PCDH12: variants seen among roughly 807,000 people sequenced by gnomAD.
PCDH12 encodes the protein protocadherin 12, also known as protocadherin-12.
Under a neutral mutation model 70.9 loss-of-function variants are expected in PCDH12, and 45 were observed. That is an observed-to-expected ratio of 0.63 (90% confidence interval 0.50 to 0.81). PCDH12 has a LOEUF of 0.81. Ranked by LOEUF, PCDH12 falls within the 40% of genes least tolerant of loss-of-function variation. The pLI is 0.00. For synonymous variants in PCDH12, 567 were observed against 626.0 expected (o/e 0.91, Z 1.41); for missense variants, 1,370 against 1,491.7 (o/e 0.92, Z 1.34).
In PCDH12 at chr5:141,957,883, C is replaced by G; in HGVS notation, c.-32G>C. On this transcript the variant is annotated 5_prime_UTR_variant, in exon 1 of 4. Transcript: ENST00000231484. This position sits in a 1 kb window ranked among gnomAD's most constrained non-coding sequence, Gnocchi z 4.3. ...CGCCAAGTGGGCTAGATTCAGAAAC[C>G]ACTAGAGTTCTTTCAAGGCTGGACA... 5 of 1,574,374 alleles carry G rather than the reference C, an allele frequency of 3.2e-6. No individual in the cohort carries two copies. Among genetic ancestry groups the G allele is most frequent in the Non-Finnish European group, 4.3e-6 (5 of 1,165,986 alleles).
chr5:141,949,340 T>C (rs1753025323), intron 3 of PCDH12, 92 bp downstream of exon 3: 1 of 1,491,622 alleles, frequency 6.7e-7, no homozygotes. Context: ...AGAAACAGAA[T>C]GGCTTTTCCC....
Position 141,955,370 on chromosome 5 carries a change from T to G in PCDH12, c.2482A>C (p.Asn828His), listed in dbSNP as rs1022578367. 6.2e-7 allele frequency: 1 copy of G among 1,614,082 alleles called. No individual in the cohort carries two copies. Among genetic ancestry groups the G allele is most frequent in the African/African-American group, 1.3e-5 (1 of 75,056 alleles). Residue 828 changes from asparagine (N) to histidine (H), a missense_variant, in exon 1 of 4, where the codon AAT becomes CAT. Physicochemically the swap from Asn to His is moderately conservative, Grantham distance 68. Coordinates refer to ENST00000231484, the MANE Select transcript of PCDH12 (RefSeq NM_016580.4). This position sits in a 1 kb window ranked among gnomAD's most constrained non-coding sequence, Gnocchi z 5.5. ...GCCGGTGCTCCCTGGTTGCCTTGAT[T>G]ACGCAGCGTCCTGTACAGGGTCGGG... is the stretch of plus-strand genomic sequence containing the variant. ...LTPTLYRTLRNQGNQGAPAES... is the reference protein window; with the variant it reads ...LTPTLYRTLRHQGNQGAPAES...
In PCDH12 at chr5:141,955,320, G is replaced by A. The variant is rs747688840; in HGVS notation, c.2532C>T (p.Asp844=). ...APAESREVLQ[D]TVNLLFNHPR... is the part of the protein sequence containing the mutation. ...GATGGTTGAAAAGGAGGTTGACCGTGTCTTGCAGCACCTCTCGGCTCTCCG... is the reference window on the plus strand; with the variant it reads ...GATGGTTGAAAAGGAGGTTGACCGTATCTTGCAGCACCTCTCGGCTCTCCG... Residue 844 remains aspartate (D), a synonymous_variant, in exon 1 of 4, where the codon GAC becomes GAT. Coordinates refer to ENST00000231484, the MANE Select transcript of PCDH12 (RefSeq NM_016580.4). The surrounding 1 kb of genome is among the most constrained non-coding windows in gnomAD (Gnocchi z 5.5). The A allele has an allele frequency of 1.2e-6, 2 of 1,614,204 alleles. No homozygotes were observed. The highest frequency in any genetic ancestry group is 1.7e-6 in the Non-Finnish European group (2 of 1,180,028).
chr5:141,957,785 C>T lies in PCDH12; in HGVS notation c.67G>A (p.Asp23Asn). Reference protein sequence around the residue: ...GPGGYLFLLGDCQEVTTLTVK... With the variant: ...GPGGYLFLLGNCQEVTTLTVK... ...GTGAGAGTGGTCACCTCCTGACAAT[C>T]CCCTAAAAGAAATAAGTAGCCACCT... Residue 23 changes from aspartate to asparagine, a missense_variant, in exon 1 of 4, where the codon GAT becomes AAT. Transcript: ENST00000231484. The surrounding 1 kb of genome is among the most constrained non-coding windows in gnomAD (Gnocchi z 4.3). 6.2e-7 allele frequency: 1 copy of T among 1,607,920 alleles called. No individual in the cohort carries two copies. Among genetic ancestry groups the T allele is most frequent in the Non-Finnish European group, 8.5e-7 (1 of 1,179,988 alleles).
At position 141,943,829 on chromosome 5, in the gene PCDH12, C is replaced by T. The variant is rs1422175460; in HGVS notation, c.*1552G>A. Reference sequence around the variant, plus strand: ...GCCTAGAGTGAGGTGAGGAGAAACTCTGCCCCTGAAACTCATAACTTTGGG... The same window carrying T: ...GCCTAGAGTGAGGTGAGGAGAAACTTTGCCCCTGAAACTCATAACTTTGGG... On this transcript the variant is annotated 3_prime_UTR_variant, in exon 4 of 4. Coordinates refer to ENST00000231484, the MANE Select transcript of PCDH12 (RefSeq NM_016580.4). 1 of 152,084 alleles carries T rather than the reference C, an allele frequency of 6.6e-6. No homozygotes were observed. Among genetic ancestry groups the T allele is most frequent in the Non-Finnish European group, 1.5e-5 (1 of 67,954 alleles). The allele number at this position is 152,084 out of a possible 1,614,324, so 9.4% of individuals were successfully genotyped here. A position where few individuals can be genotyped will look rare whatever the true frequency, so the allele number is the denominator to read the frequency against.
In PCDH12 at chr5:141,956,375, C is replaced by T. The variant is rs755883332; in HGVS notation, c.1477G>A (p.Gly493Arg). Residue 493 changes from glycine to arginine, a missense_variant, in exon 1 of 4, where the codon GGA becomes AGA. Coordinates refer to ENST00000231484, the MANE Select transcript of PCDH12 (RefSeq NM_016580.4). ...KAHDADLGINGKVSYRIQDSP... is the reference protein window; with the variant it reads ...KAHDADLGINRKVSYRIQDSP... The stretch of plus-strand genomic sequence containing the variant: ...TCCTGGATGCGGTATGAGACTTTTC[C>T]ATTAATGCCCAAGTCTGCATCATGA... 2 of 1,614,214 alleles carry T rather than the reference C, an allele frequency of 1.2e-6. No individual in the cohort carries two copies. Among genetic ancestry groups the T allele is most frequent in the South Asian group, 1.1e-5 (1 of 91,088 alleles).
At chr5:141,945,836 C>A in intron 3 of PCDH12, 31 bp from the exon 4 acceptor site, 1 of 1,592,720 alleles carries the variant, frequency 6.3e-7, no homozygotes. Context: ...ACAGTGAGGG[C>A]CAGGCTCCGG....
chr5:141,949,753 G>C (rs1753038578), intron 2 of PCDH12, among the ~76,000 whole-genome samples, 170 bp from the exon 3 acceptor site: 1 of 152,088 alleles, frequency 6.6e-6, no homozygotes, highest in African/African-American at 2.4e-5. Flanking sequence ...CTCTTACTCT[G>C]TTTCCTCATT....
intron 3 of PCDH12, among the ~76,000 whole-genome samples, chr5:141,947,009 T>C (rs113329895): frequency 0.021 from 3,235 of 152,308 alleles, 119 homozygotes; most frequent in African/African-American, 0.074. Flanking sequence ...GAAGGAGATA[T>C]GTCAAAATGT....
rs772049893 is a variant in PCDH12, at chr5:141,945,451, C to G, written c.3485G>C (p.Gly1162Ala). 1 of 1,613,332 alleles carries G rather than the reference C, an allele frequency of 6.2e-7. No homozygotes were observed. The highest frequency in any genetic ancestry group is 8.5e-7 in the Non-Finnish European group (1 of 1,179,650). The change falls in exon 4 of 4, where the codon GGG becomes GCG. Residue 1162 changes from glycine (G) to alanine (A), a missense_variant. Coordinates refer to ENST00000231484, the MANE Select transcript of PCDH12 (RefSeq NM_016580.4). ...TSAASGMKVQ[G>A]DPGGKTGTEG... ...AGTCCCCGTCTTTCCACCTGGGTCC[C>G]CTTGCACTTTCATGCCTGAGGCTGC...
Position 141,945,390 on chromosome 5 carries a change from CCTGCTG to C in PCDH12, c.3540_3545del (p.Ser1180_Ser1181del). On this transcript the variant is annotated inframe_deletion, in exon 4 of 4. Coordinates refer to ENST00000231484, the MANE Select transcript of PCDH12 (RefSeq NM_016580.4). ...GGCGTCTGAGGTATGTTCACAGGCA[CCTGCTG>C]CTGCTGCTGCTGCCTCTGCTCTTGC... 1 of 1,551,100 alleles carries C rather than the reference CCTGCTG, an allele frequency of 6.4e-7. No individual in the cohort carries two copies. Among genetic ancestry groups the C allele is most frequent in the Non-Finnish European group, 8.8e-7 (1 of 1,133,176 alleles).
At position 141,955,170 on chromosome 5, in the gene PCDH12, C is replaced by G; in HGVS notation, c.2682G>C (p.Gln894His). The G allele has an allele frequency of 6.2e-7, 1 of 1,614,212 alleles. No individual in the cohort carries two copies. Among genetic ancestry groups the G allele is most frequent in the South Asian group, 1.1e-5 (1 of 91,088 alleles). ...GCCTCTGTGGGGCTTCCTCACTGCC[C>G]TGGTCTCCAGCCAGCCTCCCTGTGG... ...GSPTGRLAGD[Q>H]GSEEAPQRPP... Residue 894 changes from glutamine to histidine, a missense_variant, in exon 1 of 4, where the codon CAG (glutamine) becomes CAC (histidine). Gln to His is a conservative substitution (Grantham distance 24, BLOSUM62 0). Transcript: ENST00000231484. The surrounding 1 kb of genome is among the most constrained non-coding windows in gnomAD (Gnocchi z 5.5).
intron 3 of PCDH12, among the ~76,000 whole-genome samples, chr5:141,948,063 CTTAAAT>C (rs1042577140): frequency 2.0e-5 from 3 of 152,196 alleles, no homozygotes; most frequent in African/African-American, 7.2e-5. Context: ...TTTTAATTCA[CTTAAAT>C]TTAAATAGCC....
Position 141,956,798 on chromosome 5 carries a change from T to C in PCDH12, c.1054A>G (p.Ile352Val). ...GGCTGGGAGGCCCATGTGACGTGGA[T>C]GCTTGGGATGTTGTCATTGACATCC... ...VLDVNDNIPSIHVTWASQPSL... is the reference protein window; with the variant it reads ...VLDVNDNIPSVHVTWASQPSL... Residue 352 changes from isoleucine (I) to valine (V), a missense_variant, in exon 1 of 4, where the codon ATC becomes GTC. By Grantham distance (29) the Ile-to-Val change is conservative. Transcript: ENST00000231484. The C allele has an allele frequency of 6.2e-7, 1 of 1,614,262 alleles. No homozygotes were observed. The highest frequency in any genetic ancestry group is 8.5e-7 in the Non-Finnish European group (1 of 1,180,048).
chr5:141,949,394 G>T, intron 3 of PCDH12, 38 bp downstream of exon 3: 4 of 1,585,542 alleles, frequency 2.5e-6, no homozygotes, highest in Non-Finnish European at 3.4e-6. Flanking sequence ...ACACCATGGG[G>T]CAGAAGCAGG....
chr5:141,945,469 G>A lies in PCDH12; in HGVS notation c.3467C>T (p.Ser1156Leu), dbSNP rs1489953006. 6.2e-7 allele frequency: 1 copy of A among 1,613,150 alleles called. No homozygotes were observed. The highest frequency in any genetic ancestry group is 1.7e-5 in the Admixed American group (1 of 59,810). Reference sequence around the variant, plus strand: ...TGGGTCCCCTTGCACTTTCATGCCTGAGGCTGCACTGGTGGCCAAGTCTAA... The same window carrying A: ...TGGGTCCCCTTGCACTTTCATGCCTAAGGCTGCACTGGTGGCCAAGTCTAA... ...LSLDLATSAA[S>L]GMKVQGDPGG... is the part of the protein sequence containing the mutation. The change falls in exon 4 of 4, where the codon TCA (serine) becomes TTA (leucine). Residue 1156 changes from serine to leucine, a missense_variant. Physicochemically the swap from Ser to Leu is moderately radical, Grantham distance 145 (BLOSUM62 -2). Coordinates refer to ENST00000231484, the MANE Select transcript of PCDH12 (RefSeq NM_016580.4).
At chr5:141,946,343 G>C (rs1281461668) in intron 3 of PCDH12, among the ~76,000 whole-genome samples, 3 of 152,188 alleles carry the variant, frequency 2.0e-5, no homozygotes, top group Non-Finnish European at 4.4e-5. Flanking sequence ...AAACCTTTGA[G>C]GTCAAGAGTA....
chr5:141,945,520 A>AGCC lies in PCDH12; in HGVS notation c.3413_3415dup (p.Arg1138dup), dbSNP rs1347245371. On this transcript the variant is annotated inframe_insertion, in exon 4 of 4. Coordinates refer to ENST00000231484, the MANE Select transcript of PCDH12 (RefSeq NM_016580.4). ...ACTGAGGGTCCTCCCGCAGACCGAG[A>AGCC]GCCGCCGCAGCGCCTCGGAGGCGGC... 1 of 1,613,672 alleles carries AGCC rather than the reference A, an allele frequency of 6.2e-7. No individual in the cohort carries two copies. The highest frequency in any genetic ancestry group is 8.5e-7 in the Non-Finnish European group (1 of 1,179,900).
chr5:141,955,273 C>T lies in PCDH12; in HGVS notation c.2579G>A (p.Arg860Gln), dbSNP rs143534629. Reference protein sequence around the residue: ...FNHPRQRNASRENLNLPEPQP... With the variant: ...FNHPRQRNASQENLNLPEPQP... Reference sequence around the variant, plus strand: ...GGGCTCGGGAAGGTTCAGGTTCTCCCGGGAGGCATTCCTCTGCCTGGGATG... The same window carrying T: ...GGGCTCGGGAAGGTTCAGGTTCTCCTGGGAGGCATTCCTCTGCCTGGGATG... Residue 860 changes from arginine (R) to glutamine (Q), a missense_variant, in exon 1 of 4, where the codon CGG (arginine) becomes CAG (glutamine). Coordinates refer to ENST00000231484, the MANE Select transcript of PCDH12 (RefSeq NM_016580.4). This position sits in a 1 kb window ranked among gnomAD's most constrained non-coding sequence, Gnocchi z 5.5. 1,434 of 1,614,150 alleles carry T rather than the reference C, an allele frequency of 8.9e-4. 6 individuals are homozygous for T. Among genetic ancestry groups the T allele is most frequent in the Middle Eastern group, 4.0e-3 (24 of 6,062 alleles).
Sources: gnomAD v4.1 joint callset for allele counts (sites outside exome capture counted in the v4.1 genomes callset) on GRCh38, gnomAD v4.1.1 for gene constraint, Gnocchi (gnomAD v3.1) non-coding constraint, MANE v1.5 for transcripts, NCBI Gene and HGNC (gene_info 2026-07-23, HGNC 2026-07-21) for gene names.